The following SNX13 variants were observed in gnomAD, a reference collection of about 807,000 sequenced individuals.
SNX13 encodes sorting nexin 13.
Under a neutral mutation model 133.6 loss-of-function variants are expected in SNX13, and 45 were observed. The ratio of observed to expected loss-of-function variants is 0.34; its 90% confidence interval spans 0.27 to 0.43. SNX13 has a LOEUF of 0.43. Ranked by LOEUF, SNX13 falls within the 20% of genes least tolerant of loss-of-function variation. The pLI, the probability that SNX13 is intolerant of heterozygous loss-of-function variation, is 1.00. For synonymous variants in SNX13, 414 were observed against 373.9 expected, an observed-to-expected ratio of 1.11 and a Z score of -1.24; for missense variants, 1,032 against 1,145.1, an observed-to-expected ratio of 0.90 and a Z score of 1.43.
chr7:17,914,592 A>G (rs1185902156), intron 1 of SNX13, among the ~76,000 whole-genome samples: 1 of 152,226 alleles, frequency 6.6e-6, no homozygotes, highest in Non-Finnish European at 1.5e-5. Context: ...CTTAAAGAAA[A>G]GAAATGCCAG....
chr7:17,849,863 T>C lies in SNX13; in HGVS notation c.1065+484A>G, dbSNP rs199645047. 4.1e-4 allele frequency among the ~76,000 whole-genome samples: 63 copies of C among 152,354 alleles called. No homozygotes were observed. In the East Asian group the frequency reaches 6.4e-3, roughly 15 times the overall value. ...GTCATCGAACCTCTTGGAACCTATC[T>C]AAACCAGTCCAAGACATTCTCTATA... On this transcript the variant is annotated intron_variant, in intron 11 of 25. Transcript: ENST00000428135.
At chr7:17,811,799 A>G (rs1328415108) in intron 20 of SNX13, among the ~76,000 whole-genome samples, 1 of 152,202 alleles carries the variant, frequency 6.6e-6, no homozygotes, top group Non-Finnish European at 1.5e-5. Flanking sequence ...CAAAACAGAT[A>G]TATAGACCAA....
At chr7:17,870,919 G>A (rs1021000846) in intron 8 of SNX13, among the ~76,000 whole-genome samples, 5 of 152,114 alleles carry the variant, frequency 3.3e-5, no homozygotes, top group African/African-American at 9.7e-5. Flanking sequence ...TGGTCAGGGA[G>A]GGCATCTCTA....
intron 1 of SNX13, among the ~76,000 whole-genome samples, chr7:17,907,860 A>G (rs1798563431): frequency 6.6e-6 from 1 of 152,128 alleles, no homozygotes; most frequent in African/African-American, 2.4e-5. Flanking sequence ...TTCTGTTTTT[A>G]CCTTCTTATA....
chr7:17,845,109 GAGGGGAGAAGAGGTA>G (rs1380286022), intron 12 of SNX13, among the ~76,000 whole-genome samples: 1 of 151,776 alleles, frequency 6.6e-6, no homozygotes, highest in Non-Finnish European at 1.5e-5. Context: ...AAAGTGGAGG[GAGGGGAGAAGAGGTA>G]AGGGGAGAAG....
rs1433429975 is a variant in SNX13, at chr7:17,792,988, C to T, written c.*1057G>A. The T allele has an allele frequency of 6.6e-6, 1 of 151,840 alleles. No homozygotes were observed. The highest frequency in any genetic ancestry group is 1.5e-5 in the Non-Finnish European group (1 of 67,774). The allele number at this position is 151,840 out of a possible 1,614,324, so 9.4% of individuals were successfully genotyped here. On this transcript the variant is annotated 3_prime_UTR_variant, in exon 26 of 26. Coordinates refer to ENST00000428135, the MANE Select transcript of SNX13 (RefSeq NM_015132.5). ...GCATATTTTTAAAAATATTATAGTT[C>T]TTTTTTCATCATTTATTTTCATATA...
At chr7:17,857,620 T>C (rs1243771498) in intron 9 of SNX13, among the ~76,000 whole-genome samples, 5 of 151,850 alleles carry the variant, frequency 3.3e-5, no homozygotes, top group African/African-American at 1.2e-4. Context: ...CTCATCTCTA[T>C]TAAATATACA....
At chr7:17,874,348 G>C (rs561055932) in intron 7 of SNX13, among the ~76,000 whole-genome samples, 1 of 152,324 alleles carries the variant, frequency 6.6e-6, no homozygotes, top group East Asian at 1.9e-4. Context: ...ACTAGTCTAT[G>C]TGTTAATCAA....
In SNX13 at chr7:17,815,337, A is replaced by G. The variant is rs116079726; in HGVS notation, c.1954-393T>C. ...GGTGGCTCATGCCTGTAACCCCAGC[A>G]CTTTTGGAGATTGAGGCGGGAAAAT... On this transcript the variant is annotated intron_variant, in intron 19 of 25. Transcript: ENST00000428135. Among the ~76,000 whole-genome samples, 675 of 152,312 alleles carry G rather than the reference A, an allele frequency of 4.4e-3. 2 individuals are homozygous for G. The highest frequency in any genetic ancestry group is 0.015 in the African/African-American group (643 of 41,566).
chr7:17,796,661 G>A, intron 25 of SNX13, 166 bp downstream of exon 25: 1 of 595,508 alleles, frequency 1.7e-6, no homozygotes, highest in East Asian at 2.8e-5. Flanking sequence ...CTGTCATGAG[G>A]ACTGATTAAG....
At chr7:17,832,297 GAT>G (rs1788590905) in intron 15 of SNX13, 2 of 984,438 alleles carry the variant, frequency 2.0e-6, no homozygotes, top group Admixed American at 6.2e-5. Flanking sequence ...TGGCTAGAAA[GAT>G]ATGAATGGAA....
At chr7:17,911,298 G>C (rs576990606) in intron 1 of SNX13, among the ~76,000 whole-genome samples, 2 of 152,152 alleles carry the variant, frequency 1.3e-5, no homozygotes, top group Middle Eastern at 3.2e-3. Flanking sequence ...GTGTGAAGTA[G>C]TACTTAACGT....
chr7:17,895,867 T>G (rs1797150808), intron 2 of SNX13, among the ~76,000 whole-genome samples: 1 of 152,206 alleles, frequency 6.6e-6, no homozygotes, highest in African/African-American at 2.4e-5. Context: ...CAAGGGCTCC[T>G]ACCTTAGCCT....
chr7:17,800,298 C>T (rs1481978931), intron 22 of SNX13, among the ~76,000 whole-genome samples: 1 of 151,400 alleles, frequency 6.6e-6, no homozygotes, highest in Non-Finnish European at 1.5e-5. Flanking sequence ...TGATTATAAA[C>T]AAATTCGATT....
chr7:17,821,727 G>A (rs748601146), intron 17 of SNX13, 79 bp from the exon 18 acceptor site: 6 of 1,466,890 alleles, frequency 4.1e-6, no homozygotes, highest in African/African-American at 1.4e-5. Flanking sequence ...ACACAAAAAA[G>A]GAGGAAGATG....
In SNX13 at chr7:17,876,501, G is replaced by C. The variant is rs116857771; in HGVS notation, c.441-711C>G. Among the ~76,000 whole-genome samples the C allele has an allele frequency of 5.3e-3, 786 of 147,928 alleles. 13 individuals are homozygous for C. Among genetic ancestry groups the C allele is most frequent in the East Asian group, 0.04 (198 of 4,948 alleles). Reference sequence around the variant, plus strand: ...AAGCTGAAGTGGGAGGATCACCTGAGCCCAGGAGGTCAACGCTGCAGTGAG... The same window carrying C: ...AAGCTGAAGTGGGAGGATCACCTGACCCCAGGAGGTCAACGCTGCAGTGAG... On this transcript the variant is annotated intron_variant, in intron 5 of 25. Coordinates refer to ENST00000428135, the MANE Select transcript of SNX13 (RefSeq NM_015132.5).
chr7:17,934,194 ATTT>A (rs534178816), intron 1 of SNX13, among the ~76,000 whole-genome samples: 1 of 152,216 alleles, frequency 6.6e-6, no homozygotes, highest in Non-Finnish European at 1.5e-5. Flanking sequence ...CCTTACACAT[ATTT>A]AAGGCTTTGT....
In SNX13 at chr7:17,832,305, TG is replaced by T. The variant is rs1406734912; in HGVS notation, c.1597+1746del. On this transcript the variant is annotated intron_variant, in intron 15 of 25. Coordinates refer to ENST00000428135, the MANE Select transcript of SNX13 (RefSeq NM_015132.5). ...GACAGACTGGCTAGAAAGATATGAATGGAAGCTAGAAATCCATTTAAAGGAC... is the reference window on the plus strand; with the variant it reads ...GACAGACTGGCTAGAAAGATATGAATGAAGCTAGAAATCCATTTAAAGGAC... 2.6e-5 allele frequency: 26 copies of T among 984,462 alleles called. No homozygotes were observed. In the Admixed American group the frequency reaches 1.6e-3, roughly 61 times the overall value. The allele number at this position is 984,462 out of a possible 1,614,324, so 61.0% of individuals were successfully genotyped here. A position where few individuals can be genotyped will look rare whatever the true frequency, so the allele number is the denominator to read the frequency against.
At chr7:17,940,184 A>C in intron 1 of SNX13, 100 bp downstream of exon 1, 1 of 1,490,998 alleles carries the variant, frequency 6.7e-7, no homozygotes, top group South Asian at 1.2e-5. Flanking sequence ...CCCACGGCGA[A>C]GGGTCAGGCC....
Sources: gnomAD v4.1 joint callset for allele counts (sites outside exome capture counted in the v4.1 genomes callset) on GRCh38, gnomAD v4.1.1 for gene constraint, MANE v1.5 for transcripts, NCBI Gene and HGNC (gene_info 2026-07-23, HGNC 2026-07-21) for gene names.